FAF1: variants seen among roughly 807,000 people sequenced by gnomAD.
FAF1 encodes FAS-associated factor 1.
Under a neutral mutation model 92.5 loss-of-function variants are expected in FAF1, and 25 were observed. The ratio of observed to expected loss-of-function variants is 0.27; its 90% CI spans 0.20 to 0.38. FAF1 has a LOEUF of 0.38. FAF1 is among the 10% of genes least tolerant of loss of function. The pLI, the probability that FAF1 is intolerant of heterozygous loss-of-function variation, is 1.00. For missense variants in FAF1, 636 were observed against 793.3 expected, an observed-to-expected ratio of 0.80 and a Z score of 2.38; for synonymous variants, 234 against 273.2, an observed-to-expected ratio of 0.86 and a Z score of 1.42.
At chr1:50,525,616 T>C (rs1046934472) in intron 15 of FAF1, among the ~76,000 whole-genome samples, 6 of 152,234 alleles carry the variant, frequency 3.9e-5, no homozygotes, top group African/African-American at 1.4e-4. Context: ...GTTGGAATCC[T>C]TGCTTTTTTC....
At chr1:50,716,547 G>C (rs369695568) in intron 6 of FAF1, among the ~76,000 whole-genome samples, 1 of 152,116 alleles carries the variant, frequency 6.6e-6, no homozygotes, top group South Asian at 2.1e-4. Flanking sequence ...TGTCTAGCTA[G>C]ACAATTGTAA....
intron 1 of FAF1, among the ~76,000 whole-genome samples, chr1:50,958,664 C>A (rs895250859): frequency 6.9e-5 from 10 of 145,538 alleles, no homozygotes; most frequent in African/African-American, 2.3e-4. Context: ...GGCGACAGAG[C>A]GAGACTCCGT....
At chr1:50,467,886 A>G (rs1646518307) in intron 18 of FAF1, among the ~76,000 whole-genome samples, 1 of 152,026 alleles carries the variant, frequency 6.6e-6, no homozygotes, top group Non-Finnish European at 1.5e-5. Context: ...AGCTTGATTT[A>G]CTCTTTCTAC....
chr1:50,730,211 A>G (rs924688650), intron 6 of FAF1, among the ~76,000 whole-genome samples: 1 of 151,914 alleles, frequency 6.6e-6, no homozygotes, highest in Non-Finnish European at 1.5e-5. Flanking sequence ...AAAATTTTCC[A>G]TTTCACCTAA....
intron 6 of FAF1, among the ~76,000 whole-genome samples, chr1:50,722,855 G>A (rs1016355398): frequency 1.3e-5 from 2 of 152,142 alleles, no homozygotes; most frequent in Non-Finnish European, 2.9e-5. Flanking sequence ...AAGCTAAGGC[G>A]TAAATCGACC....
chr1:50,485,408 A>G (rs1192716146), intron 17 of FAF1, among the ~76,000 whole-genome samples: 1 of 151,964 alleles, frequency 6.6e-6, no homozygotes, highest in Non-Finnish European at 1.5e-5. Context: ...CACACCTGTA[A>G]TCCCAGCACT....
intron 3 of FAF1, among the ~76,000 whole-genome samples, chr1:50,791,677 T>A (rs1232689301): frequency 6.6e-6 from 1 of 152,032 alleles, no homozygotes; most frequent in Non-Finnish European, 1.5e-5. Context: ...GCTTCATGAG[T>A]CTCCTCTGCG....
chr1:50,520,179 G>A (rs1355686013), intron 15 of FAF1, among the ~76,000 whole-genome samples: 2 of 152,118 alleles, frequency 1.3e-5, no homozygotes, highest in East Asian at 3.8e-4. Context: ...TGCCATTGCT[G>A]TTTTTCATAC....
At chr1:50,560,813 C>T (rs1411828176) in intron 13 of FAF1, among the ~76,000 whole-genome samples, 1 of 152,166 alleles carries the variant, frequency 6.6e-6, no homozygotes, top group East Asian at 1.9e-4. Context: ...ACCCACTAAC[C>T]CACTTATTAC....
intron 15 of FAF1, among the ~76,000 whole-genome samples, chr1:50,503,010 A>G (rs1182731213): frequency 6.6e-6 from 1 of 151,852 alleles, no homozygotes; most frequent in African/African-American, 2.4e-5. Context: ...TTATTATATT[A>G]AAAATGTTTT....
At chr1:50,599,608 A>C (rs1651999626) in intron 8 of FAF1, among the ~76,000 whole-genome samples, 1 of 152,228 alleles carries the variant, frequency 6.6e-6, no homozygotes, top group Non-Finnish European at 1.5e-5. Context: ...TTTATTAAGT[A>C]AATTTTGACT....
At chr1:50,490,443 G>GAAAAA (rs1557966683) in intron 17 of FAF1, 145 bp downstream of exon 17, 36 of 362,804 alleles carry the variant, frequency 9.9e-5, no homozygotes, top group African/African-American at 9.7e-4. Flanking sequence ...AAGGAAGGAA[G>GAAAAA]GAAGGAAGGA....
At chr1:50,620,566 G>C (rs1029335514) in intron 8 of FAF1, among the ~76,000 whole-genome samples, 10 of 152,150 alleles carry the variant, frequency 6.6e-5, no homozygotes, top group African/African-American at 2.4e-4. Flanking sequence ...CAGTCATTTT[G>C]GAATGGTTAA....
chr1:50,483,169 T>C (rs112455930), intron 17 of FAF1, among the ~76,000 whole-genome samples: 314 of 152,296 alleles, frequency 2.1e-3, no homozygotes, highest in African/African-American at 7.2e-3. Flanking sequence ...TGATGCAATA[T>C]ATGAATTGAA....
chr1:50,848,329 A>C (rs1365927784), intron 2 of FAF1, among the ~76,000 whole-genome samples: 1 of 152,252 alleles, frequency 6.6e-6, no homozygotes, highest in African/African-American at 2.4e-5. Flanking sequence ...GAAGAATTGG[A>C]AATACAATGC....
intron 2 of FAF1, among the ~76,000 whole-genome samples, chr1:50,836,818 T>C (rs933065310): frequency 4.6e-5 from 7 of 152,130 alleles, no homozygotes; most frequent in Non-Finnish European, 1.0e-4. Flanking sequence ...AATAAGGATA[T>C]TCTCTTTATA....
intron 8 of FAF1, among the ~76,000 whole-genome samples, chr1:50,633,576 G>C (rs900009808): frequency 1.3e-5 from 2 of 152,154 alleles, no homozygotes; most frequent in African/African-American, 2.4e-5. Context: ...AATCACAAAA[G>C]GGCTCTGTCT....
chr1:50,923,235 A>G (rs989721965), intron 1 of FAF1, among the ~76,000 whole-genome samples: 3 of 152,142 alleles, frequency 2.0e-5, no homozygotes, highest in Non-Finnish European at 2.9e-5. Flanking sequence ...CCTGGGCAAT[A>G]TAGAAAAACC....
chr1:50,453,364 C>A (rs1162240081), intron 18 of FAF1, among the ~76,000 whole-genome samples: 2 of 152,162 alleles, frequency 1.3e-5, no homozygotes, highest in Non-Finnish European at 2.9e-5. Flanking sequence ...ACGCAAACAC[C>A]ACTCAAGAGC....
Sources: allele counts gnomAD v4.1 joint callset (sites outside exome capture counted in the v4.1 genomes callset), GRCh38; gene constraint gnomAD v4.1.1; transcripts MANE v1.5; gene names NCBI Gene and HGNC (gene_info 2026-07-23, HGNC 2026-07-21).